The following OPN1SW variants were observed in gnomAD, a reference collection of about 807,000 sequenced individuals.
The protein encoded by OPN1SW is short-wave-sensitive opsin 1.
In OPN1SW, 25 loss-of-function variants were observed where a neutral mutation model predicts 31.9. That is an observed-to-expected ratio of 0.78 (90% CI 0.57 to 1.09). OPN1SW has a LOEUF of 1.09. Among genes scored for constraint, OPN1SW ranks in the 50% least tolerant of loss-of-function variants. The pLI is 0.00. For missense variants in OPN1SW, 424 were observed against 448.0 expected (o/e 0.95, Z 0.48); for synonymous variants, 190 against 171.9 (o/e 1.11, Z -0.82).
In OPN1SW at chr7:128,775,671, G is replaced by T; in HGVS notation, c.111C>A (p.Phe37Leu). The T allele has an allele frequency of 1.2e-6, 2 of 1,614,180 alleles. No individual in the cohort carries two copies. The highest frequency in any genetic ancestry group is 1.7e-6 in the Non-Finnish European group (2 of 1,180,016). ...PVWAFYLQAAFMGTVFLIGFP... is the reference protein window; with the variant it reads ...PVWAFYLQAALMGTVFLIGFP... The stretch of plus-strand genomic sequence containing the variant: ...ACCCTATAAGGAAGACAGTGCCCAT[G>T]AAAGCTGCCTGGAGGTAGAAGGCCC... Residue 37 changes from phenylalanine (F) to leucine (L), a missense_variant, in exon 1 of 5, where the codon TTC becomes TTA. Coordinates refer to ENST00000249389, the MANE Select transcript of OPN1SW (RefSeq NM_001385125.1).
intron 4 of OPN1SW, 90 bp from the exon 5 acceptor site, chr7:128,772,749 A>G: frequency 1.9e-6 from 3 of 1,545,338 alleles, no homozygotes; most frequent in Non-Finnish European, 2.7e-6. Flanking sequence ...AAAGCCTTGC[A>G]CAATGCTTTG....
In OPN1SW at chr7:128,775,474, A is replaced by G. The variant is rs139477114; in HGVS notation, c.308T>C (p.Val103Ala). 4.6e-5 allele frequency: 74 copies of G among 1,613,910 alleles called. No homozygotes were observed. In the African/African-American group the frequency reaches 9.5e-4, roughly 21 times the overall value. ...CNGYFVFGRH[V>A]CALEGFLGTV... The stretch of plus-strand genomic sequence containing the variant: ...GCCCAGGAAGCCCTCCAAAGCACAA[A>G]CATGGCGACCGAAGACGAAGTATCC... Residue 103 changes from valine (V) to alanine (A), a missense_variant, in exon 1 of 5, where the codon GTT (valine) becomes GCT (alanine). Physicochemically the swap from Val to Ala is moderately conservative, Grantham distance 64 (BLOSUM62 0). Coordinates refer to ENST00000249389, the MANE Select transcript of OPN1SW (RefSeq NM_001385125.1).
In OPN1SW at chr7:128,772,653, C is replaced by G. The variant is rs371754125; in HGVS notation, c.925G>C (p.Ala309Pro). 10 of 1,613,946 alleles carry G rather than the reference C, an allele frequency of 6.2e-6. No individual in the cohort carries two copies. The highest frequency in any genetic ancestry group is 8.5e-6 in the Non-Finnish European group (10 of 1,179,954). ...IYCFMNKQFQ[A>P]CIMKMVCGKA... ...CCACACACCATCTTCATGATGCAAG[C>G]TTGGAACTGGAGAGAAAGGTACAAT... Residue 309 changes from alanine (A) to proline (P), a missense_variant, in exon 5 of 5, where the codon GCT (alanine) becomes CCT (proline). Ala to Pro is a conservative substitution (Grantham distance 27, BLOSUM62 -1). Transcript: ENST00000249389.
At chr7:128,772,843 G>A (rs1363153400) in intron 4 of OPN1SW, among the ~76,000 whole-genome samples, 184 bp from the exon 5 acceptor site, 2 of 152,102 alleles carry the variant, frequency 1.3e-5, no homozygotes, top group African/African-American at 4.8e-5. Flanking sequence ...CTACTCCTGG[G>A]TCTACGGTAA....
rs1225866702 is a variant in OPN1SW at position 128,773,783 on chromosome 7, A to G, written c.784T>C (p.Tyr262His). The G allele has an allele frequency of 3.1e-6, 5 of 1,614,176 alleles. No individual in the cohort carries two copies. The Admixed American group carries it at 5.0e-5, about 16-fold the overall frequency. ...ACCATGTACATGGCGAAGGCCGCGT[A>G]GGGCACGTAGCAGACACAGAAGGAT... The part of the protein sequence containing the change: ...VGSFCVCYVP[Y>H]AAFAMYMVNN... Residue 262 changes from tyrosine to histidine, a missense_variant, in exon 4 of 5, where the codon TAC becomes CAC. Physicochemically the swap from Tyr to His is moderately conservative, Grantham distance 83. Transcript: ENST00000249389.
At chr7:128,775,287 T>A in intron 1 of OPN1SW, 133 bp from the exon 2 acceptor site, 1 of 1,285,190 alleles carries the variant, frequency 7.8e-7, no homozygotes, top group Non-Finnish European at 1.1e-6. Context: ...GACTCAAACA[T>A]CCTATTTTAG....
rs1306264748 is a variant in OPN1SW, at chr7:128,775,735, C to T, written c.47G>A (p.Gly16Glu). The change falls in exon 1 of 5, where the codon GGG becomes GAG. Residue 16 changes from glycine (G) to glutamate (E), a missense_variant. Gly to Glu is a moderately conservative substitution (Grantham distance 98). Transcript: ENST00000249389. ...FYLFKNISSVGPWDGPQYHIA... is the reference protein window; with the variant it reads ...FYLFKNISSVEPWDGPQYHIA... ...GTGGTACTGAGGCCCATCCCACGGCCCCACTGAAGAGATATTTTTGAACAG... is the reference window on the plus strand; with the variant it reads ...GTGGTACTGAGGCCCATCCCACGGCTCCACTGAAGAGATATTTTTGAACAG... 2 of 1,614,012 alleles carry T rather than the reference C, an allele frequency of 1.2e-6. No homozygotes were observed. The highest frequency in any genetic ancestry group is 1.3e-5 in the African/African-American group (1 of 74,876).
intron 4 of OPN1SW, 30 bp downstream of exon 4, chr7:128,773,619 G>T: frequency 1.2e-6 from 2 of 1,613,974 alleles, no homozygotes; most frequent in South Asian, 2.2e-5. Flanking sequence ...GGGTCTTCTG[G>T]ACCATAGGAA....
At chr7:128,775,293 T>G in intron 1 of OPN1SW, 139 bp from the exon 2 acceptor site, 2 of 1,287,048 alleles carry the variant, frequency 1.6e-6, no homozygotes, top group Non-Finnish European at 2.2e-6. Flanking sequence ...AACATCCTAT[T>G]TTAGCCAAAC....
chr7:128,775,561 G>T lies in OPN1SW; in HGVS notation c.221C>A (p.Ser74Tyr), dbSNP rs751891246. Residue 74 changes from serine to tyrosine, a missense_variant, in exon 1 of 5, where the codon TCC (serine) becomes TAC (tyrosine). Physicochemically the swap from Ser to Tyr is moderately radical, Grantham distance 144. Coordinates refer to ENST00000249389, the MANE Select transcript of OPN1SW (RefSeq NM_001385125.1). ...QPLNYILVNV[S>Y]FGGFLLCIFS... is the part of the protein sequence containing the mutation. ...GATGCAGAGGAGGAAGCCTCCGAAG[G>T]ACACGTTGACCAGAATGTAGTTGAG... The T allele has an allele frequency of 1.2e-6, 2 of 1,614,152 alleles. No homozygotes were observed. The highest frequency in any genetic ancestry group is 1.7e-5 in the Admixed American group (1 of 60,016).
At position 128,773,760 on chromosome 7, in the gene OPN1SW, C is replaced by T; in HGVS notation, c.807G>A (p.Met269Ile). 6.2e-7 allele frequency: 1 copy of T among 1,614,164 alleles called. No homozygotes were observed. The highest frequency in any genetic ancestry group is 1.1e-5 in the South Asian group (1 of 91,084). Reference sequence around the variant, plus strand: ...CCAGCCCATGGTTACGGTTGTTGACCATGTACATGGCGAAGGCCGCGTAGG... The same window carrying T: ...CCAGCCCATGGTTACGGTTGTTGACTATGTACATGGCGAAGGCCGCGTAGG... ...YVPYAAFAMY[M>I]VNNRNHGLDL... is the part of the protein sequence containing the mutation. The change falls in exon 4 of 5, where the codon ATG becomes ATA. Residue 269 changes from methionine (M) to isoleucine (I), a missense_variant. Physicochemically the swap from Met to Ile is conservative, Grantham distance 10. Coordinates refer to ENST00000249389, the MANE Select transcript of OPN1SW (RefSeq NM_001385125.1).
chr7:128,775,545 G>C lies in OPN1SW; in HGVS notation c.237C>G (p.Leu79=). The change falls in exon 1 of 5, where the codon CTC becomes CTG. Residue 79 remains leucine (L), a synonymous_variant. Coordinates refer to ENST00000249389, the MANE Select transcript of OPN1SW (RefSeq NM_001385125.1). Reference sequence around the variant, plus strand: ...CAGGGAAGACAGAGAAGATGCAGAGGAGGAAGCCTCCGAAGGACACGTTGA... The same window carrying C: ...CAGGGAAGACAGAGAAGATGCAGAGCAGGAAGCCTCCGAAGGACACGTTGA... ...ILVNVSFGGF[L]LCIFSVFPVF... is the part of the protein sequence containing the mutation. The C allele has an allele frequency of 1.2e-6, 2 of 1,614,122 alleles. No homozygotes were observed. The highest frequency in any genetic ancestry group is 1.7e-6 in the Non-Finnish European group (2 of 1,180,006).
chr7:128,772,790 C>A, intron 4 of OPN1SW, 131 bp from the exon 5 acceptor site: 3 of 1,183,022 alleles, frequency 2.5e-6, no homozygotes, highest in African/African-American at 3.0e-5. Flanking sequence ...GGTTTTGAAT[C>A]TATCTTCCCC....
chr7:128,774,350 C>T, intron 3 of OPN1SW, 148 bp downstream of exon 3: 1 of 1,091,068 alleles, frequency 9.2e-7, no homozygotes, highest in Non-Finnish European at 1.4e-6. Context: ...TTTGGATCTC[C>T]ATCATTCTCC....
Position 128,775,069 on chromosome 7 carries a change from G to C in OPN1SW, c.429C>G (p.Ser143Arg). ...GGACCACCGTCAGTGCATGCTTGGAGCTGAAGCGGAAGTTGCCGAAGGGCT... is the reference window on the plus strand; with the variant it reads ...GGACCACCGTCAGTGCATGCTTGGACCTGAAGCGGAAGTTGCCGAAGGGCT... Reference protein sequence around the residue: ...ICKPFGNFRFSSKHALTVVLA... With the variant: ...ICKPFGNFRFRSKHALTVVLA... The change falls in exon 2 of 5, where the codon AGC becomes AGG. Residue 143 changes from serine (S) to arginine (R), a missense_variant. Ser to Arg is a moderately radical substitution (Grantham distance 110). Coordinates refer to ENST00000249389, the MANE Select transcript of OPN1SW (RefSeq NM_001385125.1). The C allele has an allele frequency of 6.2e-7, 1 of 1,614,242 alleles. No individual in the cohort carries two copies. The highest frequency in any genetic ancestry group is 1.3e-5 in the African/African-American group (1 of 75,058).
rs1160647450 is a variant in OPN1SW, at chr7:128,775,144, T to C, written c.354A>G (p.Thr118=). ...GFLGTVAGLV[T]GWSLAFLAFE... is the part of the protein sequence containing the mutation. ...AGGCCAGGAAGGCCAGTGACCATCC[T>C]GTAACCAGACCTGTGGTGAAATGTG... The change falls in exon 2 of 5, where the codon ACA becomes ACG. Residue 118 remains threonine (T), a synonymous_variant. Transcript: ENST00000249389. 3 of 1,614,096 alleles carry C rather than the reference T, an allele frequency of 1.9e-6. No individual in the cohort carries two copies. The highest frequency in any genetic ancestry group is 1.1e-5 in the South Asian group (1 of 91,080).
rs576687362 is a variant in OPN1SW, at chr7:128,775,494, G to A, written c.288C>T (p.Tyr96=). ...CACAAACATGGCGACCGAAGACGAA[G>A]TATCCGTTACAGCTGGCGACGAAGA... The part of the protein sequence containing the change: ...FPVFVASCNG[Y]FVFGRHVCAL... Residue 96 remains tyrosine (Y), a synonymous_variant, in exon 1 of 5, where the codon TAC becomes TAT. Coordinates refer to ENST00000249389, the MANE Select transcript of OPN1SW (RefSeq NM_001385125.1). The A allele has an allele frequency of 2.4e-5, 39 of 1,613,994 alleles. No individual in the cohort carries two copies. The South Asian group carries it at 4.2e-4, about 17-fold the overall frequency.
At position 128,775,117 on chromosome 7, in the gene OPN1SW, A is replaced by G. The variant is rs1487665640; in HGVS notation, c.381T>C (p.Phe127=). 1.2e-6 allele frequency: 2 copies of G among 1,614,112 alleles called. No individual in the cohort carries two copies. Among genetic ancestry groups the G allele is most frequent in the Admixed American group, 3.3e-5 (2 of 60,012 alleles). ...VTGWSLAFLA[F]ERYIVICKPF... The stretch of plus-strand genomic sequence containing the variant: ...GCTTACAGATGACAATGTAGCGCTC[A>G]AAGGCCAGGAAGGCCAGTGACCATC... The change falls in exon 2 of 5, where the codon TTT becomes TTC. Residue 127 remains phenylalanine, a synonymous_variant. Coordinates refer to ENST00000249389, the MANE Select transcript of OPN1SW (RefSeq NM_001385125.1).
Position 128,772,531 on chromosome 7 carries a change from A to G in OPN1SW, c.*9T>C. ...TTCTAGCTGTTGCAAACAGGCCAAT[A>G]TTGGGTCCTCAGTTGGGGCCAACTT... is the stretch of plus-strand genomic sequence containing the variant. On this transcript the variant is annotated 3_prime_UTR_variant, in exon 5 of 5. Coordinates refer to ENST00000249389, the MANE Select transcript of OPN1SW (RefSeq NM_001385125.1). 1 of 1,614,142 alleles carries G rather than the reference A, an allele frequency of 6.2e-7. No individual in the cohort carries two copies. Among genetic ancestry groups the G allele is most frequent in the Non-Finnish European group, 8.5e-7 (1 of 1,179,988 alleles).
Sources: gnomAD v4.1 joint callset for allele counts (sites outside exome capture counted in the v4.1 genomes callset) on GRCh38, gnomAD v4.1.1 for gene constraint, MANE v1.5 for transcripts, NCBI Gene and HGNC (gene_info 2026-07-23, HGNC 2026-07-21) for gene names.